SYNJ2: variants seen among roughly 807,000 people sequenced by gnomAD.
SYNJ2 encodes polyphosphatidylinositol phosphatase SYNJ2.
SYNJ2 carries 116 observed loss-of-function variants against 141.3 expected under a neutral mutation model. The observed-to-expected ratio is 0.82, with a 90% CI of 0.71 to 0.96. The LOEUF is 0.96. SYNJ2 is among the 40% of genes least tolerant of loss of function. SYNJ2 has a pLI of 0.00. For synonymous variants in SYNJ2, 745 were observed against 777.7 expected (o/e 0.96, Z 0.70); for missense variants, 1,873 against 1,934.8 (o/e 0.97, Z 0.60).
rs755351 is a variant in SYNJ2, at chr6:158,070,443, G to C, written c.1940+770G>C. 1.2e-5 allele frequency: 12 copies of C among 985,294 alleles called. No homozygotes were observed. In the African/African-American group the frequency reaches 1.9e-4, roughly 16 times the overall value. 61.0% of individuals were successfully genotyped at this position (985,294 alleles called of 1,614,324 possible). ...TTCTCTGACTTTCAGAAGATGTTTA[G>C]GTCCCTGTCCCTCTGCTTGTGTTAT... On this transcript the variant is annotated intron_variant, in intron 14 of 26. Coordinates refer to ENST00000355585, the MANE Select transcript of SYNJ2 (RefSeq NM_003898.4). The surrounding 1 kb of genome is among the most constrained non-coding windows in gnomAD (Gnocchi z 4.0).
At chr6:158,039,223 G>T (rs1028570267) in intron 4 of SYNJ2, among the ~76,000 whole-genome samples, 1 of 152,226 alleles carries the variant, frequency 6.6e-6, no homozygotes, top group Non-Finnish European at 1.5e-5. Flanking sequence ...ATCTAAGTTC[G>T]TTTTTAAAAC....
At chr6:158,066,973 G>A (rs930448809) in intron 12 of SYNJ2, among the ~76,000 whole-genome samples, 3 of 152,114 alleles carry the variant, frequency 2.0e-5, no homozygotes, top group Non-Finnish European at 1.5e-5. Context: ...GAGGTTGGGA[G>A]CCAAGCCTGT....
intron 26 of SYNJ2, chr6:158,094,215 C>T: frequency 2.1e-6 from 1 of 478,690 alleles, no homozygotes; most frequent in Non-Finnish European, 3.7e-6. Flanking sequence ...GGACCTTTTT[C>T]CTCCGCCTCT....
intron 1 of SYNJ2, among the ~76,000 whole-genome samples, chr6:158,012,124 G>A (rs1056733200): frequency 1.3e-5 from 2 of 152,090 alleles, no homozygotes; most frequent in African/African-American, 4.8e-5. Context: ...GACAGAGTCC[G>A]AGTGTCTCAC....
At chr6:158,025,124 G>A (rs73015983) in intron 2 of SYNJ2, among the ~76,000 whole-genome samples, 11,770 of 152,178 alleles carry the variant, frequency 0.077, 547 homozygotes, top group South Asian at 0.19. Context: ...CCAGCGGCCC[G>A]CAGATTGGCC....
rs148874473 is a variant in SYNJ2, at chr6:158,054,948, T to C, written c.796-19T>C. The C allele has an allele frequency of 6.9e-4, 1,108 of 1,613,616 alleles. No individual in the cohort carries two copies. The highest frequency in any genetic ancestry group is 1.2e-3 in the Admixed American group (73 of 60,004). On this transcript the variant is annotated intron_variant, in intron 5 of 26. Coordinates refer to ENST00000355585, the MANE Select transcript of SYNJ2 (RefSeq NM_003898.4). ...TGCAGAGAAGGAAGAATCACTGTTG[T>C]TACTTCTCTTTGCTTTAGGTTGGCT...
chr6:158,077,650 T>TAAAAAAAAAAAAA (rs56028079), intron 17 of SYNJ2: 3 of 128,212 alleles, frequency 2.3e-5, no homozygotes, highest in African/African-American at 8.6e-5. Flanking sequence ...AACTAGTACA[T>TAAAAAAAAAAAAA]AAAAAAAAAA....
chr6:158,020,125 T>C (rs1266841040), intron 2 of SYNJ2, among the ~76,000 whole-genome samples: 2 of 126,956 alleles, frequency 1.6e-5, no homozygotes, highest in East Asian at 2.3e-4. Context: ...ACTCCACCTG[T>C]GTGACTCTGC....
In SYNJ2 at chr6:158,071,874, T is replaced by A. The variant is rs1781949548; in HGVS notation, c.2133+80T>A. 2.7e-6 allele frequency: 4 copies of A among 1,494,912 alleles called. No individual in the cohort carries two copies. Among genetic ancestry groups the A allele is most frequent in the South Asian group, 2.5e-5 (2 of 78,542 alleles). The allele number at this position is 1,494,912 out of a possible 1,614,324, so 92.6% of individuals were successfully genotyped here. ...GTGACTGTTGATAGGAGCCAGGCAC[T>A]GGGGACACAACCACAGGGAGGGCCC... On this transcript the variant is annotated intron_variant, in intron 15 of 26. Transcript: ENST00000355585. This position sits in a 1 kb window ranked among gnomAD's most constrained non-coding sequence, Gnocchi z 4.3.
chr6:158,004,911 T>A (rs1344564079), intron 1 of SYNJ2, among the ~76,000 whole-genome samples: 1 of 150,736 alleles, frequency 6.6e-6, no homozygotes, highest in Non-Finnish European at 1.5e-5. Context: ...ACGTCGTTGA[T>A]CCTTCGGAGG....
chr6:158,065,056 C>A, intron 11 of SYNJ2, 65 bp downstream of exon 11: 1 of 1,460,442 alleles, frequency 6.8e-7, no homozygotes. Flanking sequence ...ACTTTCCCAC[C>A]GCCTCTGTGC....
chr6:158,024,453 T>C (rs1709593283), intron 2 of SYNJ2, among the ~76,000 whole-genome samples: 1 of 152,150 alleles, frequency 6.6e-6, no homozygotes. Flanking sequence ...CCCCACCTCC[T>C]AAAACCATCG....
At chr6:158,017,398 C>T (rs1193738895) in intron 2 of SYNJ2, 108 bp downstream of exon 2, 30 of 1,075,424 alleles carry the variant, frequency 2.8e-5, no homozygotes, top group African/African-American at 3.4e-5. Context: ...GCTCTTCTCT[C>T]TCTCTTCTTT....
rs1050342382 is a variant in SYNJ2 at position 158,084,020 on chromosome 6, T to C, written c.3054T>C (p.Asp1018=). Residue 1018 remains aspartate (D), a synonymous_variant, in exon 22 of 27, where the codon GAT becomes GAC. Coordinates refer to ENST00000355585, the MANE Select transcript of SYNJ2 (RefSeq NM_003898.4). This position sits in a 1 kb window ranked among gnomAD's most constrained non-coding sequence, Gnocchi z 5.0. ...YESEGDILED[D]EDYLVDEFNQ... ...TCCCAGGGGATATTCTTGAAGACGATGAAGACTACTTGGTGGATGAATTCA... is the reference window on the plus strand; with the variant it reads ...TCCCAGGGGATATTCTTGAAGACGACGAAGACTACTTGGTGGATGAATTCA... The C allele has an allele frequency of 3.1e-6, 5 of 1,614,136 alleles. No homozygotes were observed. Among genetic ancestry groups the C allele is most frequent in the Non-Finnish European group, 4.2e-6 (5 of 1,180,028 alleles).
chr6:158,068,554 C>T (rs1202579223), intron 12 of SYNJ2, 93 bp from the exon 13 acceptor site: 1 of 1,402,556 alleles, frequency 7.1e-7, no homozygotes, highest in Non-Finnish European at 1.0e-6. Flanking sequence ...CAGTGGACAG[C>T]ATGACTCGGG....
At chr6:158,039,416 G>A (rs996992215) in intron 4 of SYNJ2, among the ~76,000 whole-genome samples, 4 of 152,208 alleles carry the variant, frequency 2.6e-5, no homozygotes, top group Non-Finnish European at 5.9e-5. Flanking sequence ...CGTGAGGATC[G>A]GGCTGCGTGG....
At position 158,092,945 on chromosome 6, in the gene SYNJ2, A is replaced by T. The variant is rs985212978; in HGVS notation, c.3585A>T (p.Leu1195=). 14 of 1,594,404 alleles carry T rather than the reference A, an allele frequency of 8.8e-6. No individual in the cohort carries two copies. The highest frequency in any genetic ancestry group is 1.2e-5 in the Non-Finnish European group (14 of 1,174,754). The change falls in exon 26 of 27, where the codon CTA becomes CTT. Residue 1195 remains leucine (L), a synonymous_variant. Coordinates refer to ENST00000355585, the MANE Select transcript of SYNJ2 (RefSeq NM_003898.4). The part of the protein sequence containing the change: ...EARGGASEEA[L]SAVAPRDLEA... ...TTTCAGGTGCCTCCGAAGAAGCCCT[A>T]AGTGCCGTGGCCCCAAGGGACCTTG...
intron 2 of SYNJ2, chr6:158,026,830 G>A (rs1167636706): frequency 2.4e-5 from 24 of 985,316 alleles, no homozygotes; most frequent in Non-Finnish European, 2.9e-5. Context: ...TGTGTCAGAA[G>A]AGGCAGGTGG....
rs770411199 is a variant in SYNJ2 at position 158,068,635 on chromosome 6, C to T, written c.1718-12C>T. 6.2e-7 allele frequency: 1 copy of T among 1,614,170 alleles called. No homozygotes were observed. The highest frequency in any genetic ancestry group is 2.2e-5 in the East Asian group (1 of 44,884). ...GGTTCTGACTTCTGTCATCTCTTGC[C>T]TTGCTCCCCAGATGACAGCAGCCCA... On this transcript the variant is annotated splice_polypyrimidine_tract_variant and intron_variant, in intron 12 of 26. Coordinates refer to ENST00000355585, the MANE Select transcript of SYNJ2 (RefSeq NM_003898.4).
Sources: allele counts gnomAD v4.1 joint callset (sites outside exome capture counted in the v4.1 genomes callset), GRCh38; gene constraint gnomAD v4.1.1; non-coding constraint Gnocchi (gnomAD v3.1); transcripts MANE v1.5; gene names NCBI Gene and HGNC (gene_info 2026-07-23, HGNC 2026-07-21).